The following EFHC2 variants were observed in gnomAD, a reference collection of about 807,000 sequenced individuals.
The protein encoded by EFHC2 is EF-hand domain-containing family member C2.
EFHC2 carries 18 observed loss-of-function variants against 52.7 expected under a neutral mutation model. The ratio of observed to expected loss-of-function variants is 0.34; its 90% CI spans 0.24 to 0.51. The LOEUF is 0.51. Among genes scored for constraint, EFHC2 ranks in the 20% least tolerant of loss-of-function variants. The pLI is 0.97. For synonymous variants in EFHC2, 203 were observed against 204.1 expected (o/e 0.99, Z 0.04); for missense variants, 513 against 562.5 (o/e 0.91, Z 0.89).
At chrX:44,265,966 C>T (rs912825324) in intron 3 of EFHC2, among the ~76,000 whole-genome samples, 1 of 111,859 alleles carries the variant, frequency 8.9e-6, no homozygotes, top group Non-Finnish European at 1.9e-5. Flanking sequence ...AGTAACCCTA[C>T]GCATCTCCCC....
At chrX:44,305,811 A>G (rs944112386) in intron 2 of EFHC2, among the ~76,000 whole-genome samples, 3 of 112,448 alleles carry the variant, frequency 2.7e-5, no homozygotes, top group African/African-American at 9.7e-5. Context: ...TGTCATGCTC[A>G]CAAGATAGCT....
intron 1 of EFHC2, among the ~76,000 whole-genome samples, chrX:44,326,433 A>G (rs1017144873): frequency 9.9e-5 from 11 of 111,288 alleles, no homozygotes; most frequent in African/African-American, 3.6e-4. Context: ...GAGGTGATAA[A>G]TATGCCTGAT....
intron 8 of EFHC2, among the ~76,000 whole-genome samples, chrX:44,240,711 G>A (rs2037353246): frequency 9.0e-6 from 1 of 111,029 alleles, no homozygotes; most frequent in African/African-American, 3.3e-5. Flanking sequence ...ACACTGGTGT[G>A]TCTCAGAATC....
intron 11 of EFHC2, among the ~76,000 whole-genome samples, chrX:44,222,157 C>G (rs1397879213): frequency 9.0e-6 from 1 of 111,083 alleles, no homozygotes; most frequent in African/African-American, 3.3e-5. Flanking sequence ...CTGGGAGGTG[C>G]CTTATATGAT....
intron 14 of EFHC2, among the ~76,000 whole-genome samples, chrX:44,163,144 AG>A: frequency 8.9e-6 from 1 of 112,311 alleles, no homozygotes; most frequent in Non-Finnish European, 1.9e-5. Context: ...TGCATGCCTG[AG>A]GGAACTCCCA....
rs201977577 is a variant in EFHC2, at chrX:44,178,129, T to TCACA, written c.1949+234_1949+237dup. On this transcript the variant is annotated intron_variant, in intron 12 of 14. Coordinates refer to ENST00000420999, the MANE Select transcript of EFHC2 (RefSeq NM_025184.4). Reference sequence around the variant, plus strand: ...CTGGGCGACAGGGCCAGATGCCATATCACACACACACACACACACACACAC... The same window carrying TCACA: ...CTGGGCGACAGGGCCAGATGCCATATCACACACACACACACACACACACACACAC... Among the ~76,000 whole-genome samples the TCACA allele has an allele frequency of 5.7e-3, 481 of 83,933 alleles. 2 individuals are homozygous for TCACA. Among genetic ancestry groups the TCACA allele is most frequent in the Non-Finnish European group, 6.7e-3 (292 of 43,683 alleles). 72.9% of individuals were successfully genotyped at this position (83,933 alleles called of 115,157 possible). A position where few individuals can be genotyped will look rare whatever the true frequency, so the allele number is the denominator to read the frequency against.
intron 4 of EFHC2, among the ~76,000 whole-genome samples, chrX:44,254,110 C>T (rs1047105364): frequency 2.7e-5 from 3 of 112,027 alleles, no homozygotes; most frequent in African/African-American, 9.7e-5. Context: ...AAACTCCATC[C>T]GAAGGTCAAC....
At chrX:44,318,103 T>A (rs745960365) in intron 1 of EFHC2, among the ~76,000 whole-genome samples, 1 of 112,396 alleles carries the variant, frequency 8.9e-6, no homozygotes, top group East Asian at 2.8e-4. Flanking sequence ...TTATTTACAA[T>A]AGCCAAAAGG....
At chrX:44,202,998 C>T (rs1436052644) in intron 11 of EFHC2, among the ~76,000 whole-genome samples, 2 of 111,288 alleles carry the variant, frequency 1.8e-5, no homozygotes, top group African/African-American at 6.5e-5. Context: ...AGCAGCAGAT[C>T]TCCCCACCAG....
intron 11 of EFHC2, among the ~76,000 whole-genome samples, chrX:44,216,230 G>A (rs182590579): frequency 8.9e-6 from 1 of 112,305 alleles, no homozygotes; most frequent in East Asian, 2.8e-4. Flanking sequence ...TTCTGAGAGT[G>A]AGCAATTCAG....
At chrX:44,290,598 C>T (rs763574358) in intron 2 of EFHC2, among the ~76,000 whole-genome samples, 89 of 110,525 alleles carry the variant, frequency 8.1e-4, no homozygotes, top group African/African-American at 2.7e-3. Context: ...TTTTCTTTCA[C>T]TCCCTTCACC....
chrX:44,264,418 C>G (rs1247976965), intron 3 of EFHC2, among the ~76,000 whole-genome samples: 1 of 112,209 alleles, frequency 8.9e-6, no homozygotes, highest in Non-Finnish European at 1.9e-5. Flanking sequence ...GGGCCTGCCC[C>G]ACCAGCTGAC....
intron 2 of EFHC2, among the ~76,000 whole-genome samples, chrX:44,297,710 C>A: frequency 1.1e-5 from 1 of 89,169 alleles, no homozygotes. Flanking sequence ...GCCTGGGCGA[C>A]AGAGCGAGAC....
At chrX:44,249,729 CA>C (rs1169717851) in intron 5 of EFHC2, among the ~76,000 whole-genome samples, 1 of 112,289 alleles carries the variant, frequency 8.9e-6, no homozygotes, top group Non-Finnish European at 1.9e-5. Flanking sequence ...TCAGAAAAGG[CA>C]CTTTGGTTTG....
intron 11 of EFHC2, among the ~76,000 whole-genome samples, chrX:44,192,685 T>C (rs1255036109): frequency 1.8e-5 from 2 of 111,507 alleles, no homozygotes; most frequent in East Asian, 5.6e-4. Flanking sequence ...CTAATTTTGC[T>C]CTCTTGGTGG....
At chrX:44,330,908 A>T (rs2038082700) in intron 1 of EFHC2, among the ~76,000 whole-genome samples, 1 of 112,286 alleles carries the variant, frequency 8.9e-6, no homozygotes, top group South Asian at 3.6e-4. Flanking sequence ...GGGTGCAAAG[A>T]AACTAGATCA....
At chrX:44,249,196 C>T (rs1569293274) in intron 5 of EFHC2, among the ~76,000 whole-genome samples, 1 of 111,382 alleles carries the variant, frequency 9.0e-6, no homozygotes, top group East Asian at 2.8e-4. Context: ...TTGTGCCTCT[C>T]CTGCCTCCAA....
intron 11 of EFHC2, among the ~76,000 whole-genome samples, chrX:44,191,502 G>T (rs932689465): frequency 1.8e-5 from 2 of 111,933 alleles, no homozygotes; most frequent in African/African-American, 6.5e-5. Flanking sequence ...CTCCCAACAT[G>T]CTGGGATTAC....
chrX:44,317,128 C>G (rs1246688751), intron 1 of EFHC2, among the ~76,000 whole-genome samples: 2 of 111,945 alleles, frequency 1.8e-5, no homozygotes, highest in Non-Finnish European at 3.8e-5. Context: ...AGGCAGCCCC[C>G]CTGAGCTTCC....
Sources: gnomAD v4.1 joint callset for allele counts (sites outside exome capture counted in the v4.1 genomes callset) on GRCh38, gnomAD v4.1.1 for gene constraint, MANE v1.5 for transcripts, NCBI Gene and HGNC (gene_info 2026-07-23, HGNC 2026-07-21) for gene names.